Variants in MARCHF1 observed in about 807,000 individuals in gnomAD.
The protein encoded by MARCHF1 is E3 ubiquitin-protein ligase MARCHF1.
A neutral mutation model predicts 54.2 loss-of-function variants in MARCHF1; 40 were observed. The observed-to-expected ratio is 0.74, with a 90% CI of 0.57 to 0.96. MARCHF1 has a LOEUF of 0.96. Ranked by LOEUF, MARCHF1 falls within the 40% of genes least tolerant of loss-of-function variation. The pLI is 0.00. For missense variants in MARCHF1, 586 were observed against 656.5 expected (o/e 0.89, Z 1.17); for synonymous variants, 236 against 236.3 (o/e 1.00, Z 0.01).
chr4:163,695,919 T>C (rs1275764916), intron 5 of MARCHF1, among the ~76,000 whole-genome samples: 2 of 151,892 alleles, frequency 1.3e-5, no homozygotes, highest in African/African-American at 2.4e-5. Flanking sequence ...CAAGCACTAA[T>C]ATAAAAAAGT....
chr4:163,939,300 C>T (rs1053849103), intron 3 of MARCHF1, among the ~76,000 whole-genome samples: 2 of 152,160 alleles, frequency 1.3e-5, no homozygotes, highest in Non-Finnish European at 2.9e-5. Context: ...ATCTGTTATT[C>T]TTCAGCCTTT....
chr4:164,251,917 T>C (rs938584939), intron 1 of MARCHF1, among the ~76,000 whole-genome samples: 22 of 152,254 alleles, frequency 1.4e-4, no homozygotes, highest in African/African-American at 5.3e-4. Context: ...ATAGCACCAA[T>C]AGATTTTAAA....
chr4:164,164,737 C>G (rs756207773), intron 1 of MARCHF1, among the ~76,000 whole-genome samples: 10 of 151,944 alleles, frequency 6.6e-5, no homozygotes, highest in Non-Finnish European at 1.5e-4. Context: ...TGACAACAAT[C>G]AAGGCTTTGA....
chr4:164,358,408 G>T (rs918672646), intron 1 of MARCHF1, among the ~76,000 whole-genome samples: 4 of 152,084 alleles, frequency 2.6e-5, no homozygotes, highest in Admixed American at 2.6e-4. Context: ...ACCAGAGAAA[G>T]AATTATAAGA....
At chr4:163,574,284 A>C (rs1739958795) in intron 8 of MARCHF1, among the ~76,000 whole-genome samples, 1 of 152,014 alleles carries the variant, frequency 6.6e-6, no homozygotes, top group Non-Finnish European at 1.5e-5. Context: ...CTCTGATGGT[A>C]GTTTCTTTTG....
At chr4:164,237,319 A>T (rs1418334466) in intron 1 of MARCHF1, among the ~76,000 whole-genome samples, 1 of 152,104 alleles carries the variant, frequency 6.6e-6, no homozygotes, top group Non-Finnish European at 1.5e-5. Flanking sequence ...TCTCAGTTAA[A>T]CATGAAGCAC....
intron 1 of MARCHF1, among the ~76,000 whole-genome samples, chr4:164,243,277 C>A (rs1370452155): frequency 7.0e-6 from 1 of 142,374 alleles, no homozygotes; most frequent in Admixed American, 7.2e-5. Flanking sequence ...AACAGCGGAT[C>A]TCTCGGCAGA....
intron 1 of MARCHF1, among the ~76,000 whole-genome samples, chr4:164,184,485 A>G (rs1730914813): frequency 2.0e-5 from 3 of 152,240 alleles, no homozygotes; most frequent in Non-Finnish European, 4.4e-5. Flanking sequence ...CACAAAACAC[A>G]AAAGGATACA....
chr4:164,201,059 G>A (rs1315914691), intron 1 of MARCHF1, among the ~76,000 whole-genome samples: 1 of 152,222 alleles, frequency 6.6e-6, no homozygotes, highest in Non-Finnish European at 1.5e-5. Flanking sequence ...GAAAAGCATG[G>A]CGGAAGAAAC....
chr4:164,177,796 G>A (rs1248240457), intron 1 of MARCHF1, among the ~76,000 whole-genome samples: 1 of 120,686 alleles, frequency 8.3e-6, no homozygotes, highest in Non-Finnish European at 1.8e-5. Flanking sequence ...CTCAGTGTGT[G>A]TATGAAAGAG....
At chr4:163,660,572 T>TA (rs112938692) in intron 5 of MARCHF1, among the ~76,000 whole-genome samples, 9,554 of 143,256 alleles carry the variant, frequency 0.067, 412 homozygotes, top group African/African-American at 0.12. Flanking sequence ...AAGTAAAACT[T>TA]AAAAAAAAAA....
chr4:164,300,357 A>G (rs1399469353), intron 1 of MARCHF1, among the ~76,000 whole-genome samples: 1 of 152,130 alleles, frequency 6.6e-6, no homozygotes, highest in African/African-American at 2.4e-5. Context: ...TAAGATACCC[A>G]AAGATCCCAA....
chr4:163,820,301 T>C (rs2111049872), intron 4 of MARCHF1, among the ~76,000 whole-genome samples: 1 of 152,182 alleles, frequency 6.6e-6, no homozygotes, highest in Non-Finnish European at 1.5e-5. Context: ...TTTTATAAAC[T>C]TCCATGTCAC....
At chr4:163,606,608 A>G (rs1741151110) in intron 7 of MARCHF1, among the ~76,000 whole-genome samples, 1 of 152,068 alleles carries the variant, frequency 6.6e-6, no homozygotes, top group Non-Finnish European at 1.5e-5. Flanking sequence ...GAGCATTTGG[A>G]GACGAGGAGT....
intron 2 of MARCHF1, among the ~76,000 whole-genome samples, chr4:164,027,362 TA>T (rs59453843): frequency 0.044 from 475 of 10,732 alleles, 4 homozygotes; most frequent in African/African-American, 0.076. Context: ...ATGGTACAGG[TA>T]AAAAAAAAAA....
intron 4 of MARCHF1, 102 bp from the exon 5 acceptor site, chr4:163,700,965 G>A: frequency 1.3e-6 from 1 of 763,850 alleles, no homozygotes; most frequent in Middle Eastern, 2.4e-4. Flanking sequence ...ATCTGTGAAT[G>A]CTCTCTATAT....
chr4:163,986,246 CTTCTTTTTTTTTTTTTTT>C (rs1422906972), intron 3 of MARCHF1, among the ~76,000 whole-genome samples: 1 of 73,758 alleles, frequency 1.4e-5, no homozygotes, highest in Non-Finnish European at 2.7e-5. Flanking sequence ...TAATTAACCT[CTTCTTTTTTTTTTTTTTT>C]TTTTTTTTTT....
intron 4 of MARCHF1, among the ~76,000 whole-genome samples, chr4:163,742,150 C>A (rs752487119): frequency 1.2e-4 from 18 of 152,264 alleles, no homozygotes; most frequent in South Asian, 8.3e-4. Context: ...ATGGGGACCA[C>A]TGGCTTAGGG....
chr4:163,636,983 C>G (rs1366891931), intron 5 of MARCHF1, among the ~76,000 whole-genome samples: 1 of 152,066 alleles, frequency 6.6e-6, no homozygotes, highest in Non-Finnish European at 1.5e-5. Context: ...CTCAGAAAAA[C>G]AAGCAATGGG....
Sources: allele counts gnomAD v4.1 joint callset (sites outside exome capture counted in the v4.1 genomes callset), GRCh38; gene constraint gnomAD v4.1.1; transcripts MANE v1.5; gene names NCBI Gene and HGNC (gene_info 2026-07-23, HGNC 2026-07-21).